DPF3: variants seen among roughly 807,000 people sequenced by gnomAD.
DPF3 encodes double PHD fingers 3.
DPF3 carries 18 observed loss-of-function variants against 56.8 expected under a neutral mutation model. That is an observed-to-expected ratio of 0.32 (90% CI 0.22 to 0.47). The LOEUF is 0.47. Ranked by LOEUF, DPF3 falls within the 20% of genes least tolerant of loss-of-function variation. DPF3 has a pLI of 1.00. For synonymous variants in DPF3, 188 were observed against 180.2 expected, an observed-to-expected ratio of 1.04 and a Z score of -0.35; for missense variants, 403 against 488.8, an observed-to-expected ratio of 0.82 and a Z score of 1.65.
In DPF3 at chr14:72,611,795, C is replaced by A. The variant is rs1883743990; in HGVS notation, c.*7502G>T. ...AGGTCATCTGTTTTCTTCCCCCGAC[C>A]CCTCAGCCTCCACAGGGTAGAAATC... On this transcript the variant is annotated 3_prime_UTR_variant, in exon 11 of 11. Coordinates refer to ENST00000556509, the MANE Select transcript of DPF3 (RefSeq NM_001280542.3). 1.3e-5 allele frequency among the ~76,000 whole-genome samples: 2 copies of A among 152,122 alleles called. No homozygotes were observed. The highest frequency in any genetic ancestry group is 4.8e-5 in the African/African-American group (2 of 41,440).
At chr14:72,740,560 A>AT in intron 3 of DPF3, among the ~76,000 whole-genome samples, 1 of 152,312 alleles carries the variant, frequency 6.6e-6, no homozygotes, top group South Asian at 2.1e-4. Context: ...GTGAACCAGG[A>AT]TGGAGGCCAA....
intron 1 of DPF3, among the ~76,000 whole-genome samples, chr14:72,772,108 G>A (rs1037157205): frequency 2.0e-5 from 3 of 152,184 alleles, no homozygotes; most frequent in African/African-American, 7.2e-5. Context: ...AAATCCACCA[G>A]GCAACTTAGA....
In DPF3 at chr14:72,611,530, T is replaced by G. The variant is rs977012130; in HGVS notation, c.*7767A>C. Among the ~76,000 whole-genome samples, 12 of 151,484 alleles carry G rather than the reference T, an allele frequency of 7.9e-5. No individual in the cohort carries two copies. The highest frequency in any genetic ancestry group is 2.9e-4 in the African/African-American group (12 of 41,272). ...GAAGCCCCCACCCCCCCAGTCCCGC[T>G]CTCTGCTTTCTCTAGCAGGGAAAAG... On this transcript the variant is annotated 3_prime_UTR_variant, in exon 11 of 11. Transcript: ENST00000556509.
intron 7 of DPF3, among the ~76,000 whole-genome samples, chr14:72,688,921 G>A (rs1482741178): frequency 1.3e-5 from 2 of 152,214 alleles, no homozygotes; most frequent in African/African-American, 4.8e-5. Context: ...GCTTCCTGTA[G>A]TTGAGGCAGA....
intron 1 of DPF3, among the ~76,000 whole-genome samples, chr14:72,865,746 T>C (rs1001174898): frequency 4.6e-5 from 7 of 152,212 alleles, no homozygotes; most frequent in Non-Finnish European, 1.0e-4. Flanking sequence ...TCCTTGCCAC[T>C]GAATTGACAT....
chr14:72,743,409 T>A (rs1369634000), intron 3 of DPF3, among the ~76,000 whole-genome samples: 1 of 152,082 alleles, frequency 6.6e-6, no homozygotes, highest in Non-Finnish European at 1.5e-5. Flanking sequence ...CAGGATCCCC[T>A]GGGAAATTAG....
chr14:72,817,634 C>A (rs1176318410), intron 1 of DPF3, among the ~76,000 whole-genome samples: 2 of 152,166 alleles, frequency 1.3e-5, no homozygotes, highest in African/African-American at 2.4e-5. Flanking sequence ...GCCAAGATTG[C>A]ACCATTGCAC....
intron 8 of DPF3, among the ~76,000 whole-genome samples, chr14:72,638,425 A>G (rs1196275372): frequency 2.0e-5 from 3 of 152,214 alleles, no homozygotes; most frequent in African/African-American, 7.2e-5. Context: ...AGCCTGAAAA[A>G]GAAACCATTG....
intron 1 of DPF3, among the ~76,000 whole-genome samples, chr14:72,778,868 A>G (rs1166621993): frequency 6.6e-6 from 1 of 152,190 alleles, no homozygotes; most frequent in Non-Finnish European, 1.5e-5. Flanking sequence ...ACTCAATTCA[A>G]TGTTTAGTAT....
At chr14:72,858,820 A>G (rs1040875284) in intron 1 of DPF3, among the ~76,000 whole-genome samples, 4 of 152,152 alleles carry the variant, frequency 2.6e-5, no homozygotes, top group African/African-American at 7.2e-5. Context: ...TGTTCGTCCA[A>G]TGGATTTGGG....
rs182344977 is a variant in DPF3 at position 72,667,235 on chromosome 14, A to G, written c.871+7005T>C. On this transcript the variant is annotated intron_variant, in intron 8 of 10. Transcript: ENST00000556509. ...ATGCATATTTCTAATTCCCAGGGTC[A>G]TAGTGATTATAGTGTCTGATCTTTA... Among the ~76,000 whole-genome samples the G allele has an allele frequency of 1.9e-4, 29 of 152,338 alleles. No homozygotes were observed. In the East Asian group the frequency reaches 4.4e-3, roughly 23 times the overall value.
At chr14:72,883,526 G>A (rs75008595) in intron 1 of DPF3, among the ~76,000 whole-genome samples, 2 of 152,060 alleles carry the variant, frequency 1.3e-5, no homozygotes, top group South Asian at 4.1e-4. Context: ...AAAGAAAGTT[G>A]TAGCTTTGCA....
chr14:72,869,703 A>T (rs1206433356), intron 1 of DPF3, among the ~76,000 whole-genome samples: 3 of 152,138 alleles, frequency 2.0e-5, no homozygotes, highest in Non-Finnish European at 4.4e-5. Flanking sequence ...TGGGAGAGAG[A>T]GAGTGCCAAC....
At chr14:72,790,779 C>T (rs562861612) in intron 1 of DPF3, among the ~76,000 whole-genome samples, 1 of 152,310 alleles carries the variant, frequency 6.6e-6, no homozygotes, top group South Asian at 2.1e-4. Context: ...CCCTGAACCT[C>T]TAAAATGTCC....
At chr14:72,888,173 T>C (rs1398642482) in intron 1 of DPF3, among the ~76,000 whole-genome samples, 3 of 152,144 alleles carry the variant, frequency 2.0e-5, no homozygotes, top group Non-Finnish European at 4.4e-5. Flanking sequence ...CACCCCTCCC[T>C]GCTTCCACAC....
intron 1 of DPF3, among the ~76,000 whole-genome samples, chr14:72,822,431 T>TAAAA (rs1883594946): frequency 6.9e-6 from 1 of 145,010 alleles, no homozygotes; most frequent in Admixed American, 7.3e-5. Flanking sequence ...TTAAAAAATT[T>TAAAA]TTAAAGGTGC....
intron 1 of DPF3, among the ~76,000 whole-genome samples, chr14:72,878,517 C>G (rs79745696): frequency 7.2e-5 from 11 of 152,144 alleles, no homozygotes; most frequent in Non-Finnish European, 1.0e-4. Flanking sequence ...TCACCAGAAC[C>G]CAGCCTTGGG....
chr14:72,809,859 G>C (rs1172586824), intron 1 of DPF3, among the ~76,000 whole-genome samples: 3 of 152,204 alleles, frequency 2.0e-5, no homozygotes, highest in Non-Finnish European at 2.9e-5. Flanking sequence ...CTAGAAGCAA[G>C]TGCTTGAGTC....
At chr14:72,751,268 G>C (rs1166487214) in intron 3 of DPF3, among the ~76,000 whole-genome samples, 2 of 152,252 alleles carry the variant, frequency 1.3e-5, no homozygotes, top group East Asian at 1.9e-4. Flanking sequence ...ATAAATTTTG[G>C]AAGTTTTTAA....
Sources: allele counts gnomAD v4.1 joint callset (sites outside exome capture counted in the v4.1 genomes callset), GRCh38; gene constraint gnomAD v4.1.1; transcripts MANE v1.5; gene names NCBI Gene and HGNC (gene_info 2026-07-23, HGNC 2026-07-21).